The following STRIP2 variants were observed in gnomAD, a reference collection of about 807,000 sequenced individuals.
STRIP2 encodes striatin-interacting protein 2.
In STRIP2, 84 loss-of-function variants were observed where a neutral mutation model predicts 107.1. The observed-to-expected ratio is 0.78, with a 90% CI of 0.66 to 0.94. The LOEUF (loss-of-function observed/expected upper bound fraction) is 0.94, where lower values mean the gene tolerates loss of function less well. STRIP2 is among the 40% of genes least tolerant of loss of function. The pLI is 0.00. For missense variants in STRIP2, 888 were observed against 1,034.2 expected (o/e 0.86, Z 1.94); for synonymous variants, 394 against 400.4 (o/e 0.98, Z 0.19).
chr7:129,463,682 A>G (rs1798600859), intron 14 of STRIP2, among the ~76,000 whole-genome samples: 1 of 152,144 alleles, frequency 6.6e-6, no homozygotes, highest in African/African-American at 2.4e-5. Context: ...TTTAGTAGAG[A>G]TGGAGTTTTA....
At chr7:129,472,797 T>TTTTC (rs1798824245) in intron 18 of STRIP2, among the ~76,000 whole-genome samples, 1 of 136,700 alleles carries the variant, frequency 7.3e-6, no homozygotes, top group Non-Finnish European at 1.6e-5. Flanking sequence ...TTTTTTTTTT[T>TTTTC]TTTTTTTGAG....
At position 129,488,186 on chromosome 7, in the gene STRIP2, ATAAAGT is replaced by A. The variant is rs1231657839; in HGVS notation, c.*2361_*2366del. On this transcript the variant is annotated 3_prime_UTR_variant, in exon 21 of 21. Coordinates refer to ENST00000249344, the MANE Select transcript of STRIP2 (RefSeq NM_020704.3). ...CGTCTCAAAAACAAAGAAGGATATA[ATAAAGT>A]TAATATATAAACCATGTATGTGGTT... is the stretch of plus-strand genomic sequence containing the variant. The A allele has an allele frequency of 3.3e-5, 5 of 152,466 alleles. No individual in the cohort carries two copies. The highest frequency in any genetic ancestry group is 1.3e-4 in the Admixed American group (2 of 15,270). The allele number at this position is 152,466 out of a possible 1,614,324, so 9.4% of individuals were successfully genotyped here.
Position 129,480,883 on chromosome 7 carries a change from G to A in STRIP2, c.2043G>A (p.Arg681=). The change falls in exon 19 of 21, where the codon CGG becomes CGA. Residue 681 remains arginine (R), a synonymous_variant. Coordinates refer to ENST00000249344, the MANE Select transcript of STRIP2 (RefSeq NM_020704.3). ...LNKLTKWKHS[R]TMMLVVFKSA... ...AACTGACCAAATGGAAACATTCCCG[G>A]ACCATGGTGAGTGTGGTTTTTTACA... is the stretch of plus-strand genomic sequence containing the variant. The A allele has an allele frequency of 2.5e-6, 4 of 1,610,606 alleles. No individual in the cohort carries two copies. The highest frequency in any genetic ancestry group is 1.3e-5 in the African/African-American group (1 of 74,814).
intron 2 of STRIP2, among the ~76,000 whole-genome samples, chr7:129,441,563 ATTTTTTAT>A (rs1433323987): frequency 6.6e-6 from 1 of 152,150 alleles, no homozygotes; most frequent in African/African-American, 2.4e-5. Flanking sequence ...CAATATATTT[ATTTTTTAT>A]TTTTTTATTT....
chr7:129,455,232 C>T lies in STRIP2; in HGVS notation c.707-12C>T, dbSNP rs778453356. 2 of 1,606,570 alleles carry T rather than the reference C, an allele frequency of 1.2e-6. No homozygotes were observed. Among genetic ancestry groups the T allele is most frequent in the East Asian group, 2.3e-5 (1 of 44,384 alleles). On this transcript the variant is annotated splice_polypyrimidine_tract_variant and intron_variant, in intron 7 of 20. Coordinates refer to ENST00000249344, the MANE Select transcript of STRIP2 (RefSeq NM_020704.3). ...TCCTCACTTTCTCACTCCCCTCTCT[C>T]CTCACCCCTAGGCTTCTCCATGCAT...
intron 14 of STRIP2, 43 bp from the exon 15 acceptor site, chr7:129,464,001 G>A (rs1423258314): frequency 2.0e-6 from 3 of 1,508,332 alleles, no homozygotes; most frequent in Admixed American, 1.7e-5. Context: ...TCCTTGCTGA[G>A]TGGGTTTGAC....
chr7:129,458,928 T>A lies in STRIP2; in HGVS notation c.1340+151T>A. On this transcript the variant is annotated intron_variant, in intron 11 of 20. Transcript: ENST00000249344. The surrounding 1 kb of genome is among the most constrained non-coding windows in gnomAD (Gnocchi z 4.6). ...AACTCCCAGTGACTACTTTGGGTTC[T>A]TTCTATGGATTTCTTTTTTCCTTGA... is the stretch of plus-strand genomic sequence containing the variant. 1 of 645,036 alleles carries A rather than the reference T, an allele frequency of 1.6e-6. No homozygotes were observed. Among genetic ancestry groups the A allele is most frequent in the South Asian group, 2.3e-5 (1 of 42,970 alleles). 40.0% of individuals were successfully genotyped at this position (645,036 alleles called of 1,614,324 possible).
intron 2 of STRIP2, among the ~76,000 whole-genome samples, chr7:129,440,470 C>T (rs1797868308): frequency 6.6e-6 from 1 of 152,096 alleles, no homozygotes. Flanking sequence ...TTCTGCTGCC[C>T]TCTTTCTATC....
At chr7:129,447,883 T>G (rs1027358948) in intron 3 of STRIP2, among the ~76,000 whole-genome samples, 1 of 152,248 alleles carries the variant, frequency 6.6e-6, no homozygotes, top group Non-Finnish European at 1.5e-5. Context: ...ACAGGTCAAA[T>G]GCGAGAGTTG....
chr7:129,446,349 C>G (rs1482812951), intron 3 of STRIP2, among the ~76,000 whole-genome samples: 2 of 152,160 alleles, frequency 1.3e-5, no homozygotes, highest in African/African-American at 4.8e-5. Flanking sequence ...TACTTCTTTC[C>G]CCAATTTTTT....
At chr7:129,473,766 G>A (rs915596232) in intron 18 of STRIP2, among the ~76,000 whole-genome samples, 3 of 151,940 alleles carry the variant, frequency 2.0e-5, no homozygotes, top group Non-Finnish European at 4.4e-5. Context: ...CGGCCAGGCT[G>A]GAGTGCAGTG....
rs62489088 is a variant in STRIP2 at position 129,467,359 on chromosome 7, G to T, written c.1786G>T (p.Val596Leu). 277 of 1,612,734 alleles carry T rather than the reference G, an allele frequency of 1.7e-4. No homozygotes were observed. Among genetic ancestry groups the T allele is most frequent in the Non-Finnish European group, 2.2e-4 (265 of 1,179,070 alleles). Reference protein sequence around the residue: ...KLNHIYQFEYVSQHLVFANCI... With the variant: ...KLNHIYQFEYLSQHLVFANCI... ...TTGATTTTTAATTCAGTTTGAATAT[G>T]TATCGCAACATTTGGTATTTGCCAA... is the stretch of plus-strand genomic sequence containing the variant. The change falls in exon 17 of 21, where the codon GTA becomes TTA. Residue 596 changes from valine (V) to leucine (L), a missense_variant. Val to Leu is a conservative substitution (Grantham distance 32). Transcript: ENST00000249344.
At position 129,434,466 on chromosome 7, in the gene STRIP2, C is replaced by T; in HGVS notation, c.-7C>T. 5 of 1,508,118 alleles carry T rather than the reference C, an allele frequency of 3.3e-6. No individual in the cohort carries two copies. Among genetic ancestry groups the T allele is most frequent in the Non-Finnish European group, 4.4e-6 (5 of 1,135,076 alleles). The allele number at this position is 1,508,118 out of a possible 1,614,324, so 93.4% of individuals were successfully genotyped here. ...CTGAACCCTGAGGGGAGCCGCTGAC[C>T]AGCAGCATGGAGGACCCCGCCGCGC... On this transcript the variant is annotated 5_prime_UTR_variant, in exon 1 of 21. Coordinates refer to ENST00000249344, the MANE Select transcript of STRIP2 (RefSeq NM_020704.3).
intron 3 of STRIP2, among the ~76,000 whole-genome samples, chr7:129,446,758 AACTT>A (rs1166429182): frequency 1.3e-5 from 2 of 152,308 alleles, no homozygotes; most frequent in East Asian, 3.9e-4. Context: ...TTCCTCATGT[AACTT>A]ACTTGTGCCT....
intron 17 of STRIP2, 30 bp downstream of exon 17, chr7:129,467,480 G>T: frequency 6.5e-7 from 1 of 1,532,706 alleles, no homozygotes; most frequent in East Asian, 2.3e-5. Flanking sequence ...TTATTTCAAG[G>T]GGCTATTTTG....
intron 2 of STRIP2, among the ~76,000 whole-genome samples, chr7:129,442,159 A>G (rs775793074): frequency 6.6e-6 from 1 of 152,174 alleles, no homozygotes; most frequent in Admixed American, 6.5e-5. Context: ...TGGGAGGCAG[A>G]GGTTGCAGTG....
intron 18 of STRIP2, among the ~76,000 whole-genome samples, chr7:129,472,934 G>A (rs1277699660): frequency 2.0e-5 from 3 of 151,296 alleles, no homozygotes; most frequent in African/African-American, 4.9e-5. Context: ...CTACAGGCAC[G>A]TGCCACCATG....
At chr7:129,468,240 G>T (rs78643882) in intron 17 of STRIP2, among the ~76,000 whole-genome samples, 5 of 152,182 alleles carry the variant, frequency 3.3e-5, no homozygotes, top group Admixed American at 3.3e-4. Flanking sequence ...AAGTAAGAGG[G>T]CTAATCTCAT....
intron 18 of STRIP2, among the ~76,000 whole-genome samples, chr7:129,476,466 G>A (rs1348895913): frequency 2.7e-5 from 4 of 150,750 alleles, no homozygotes; most frequent in Non-Finnish European, 4.4e-5. Context: ...CAGATGGGGC[G>A]GCTGCCGGGC....
Sources: allele counts gnomAD v4.1 joint callset (sites outside exome capture counted in the v4.1 genomes callset), GRCh38; gene constraint gnomAD v4.1.1; non-coding constraint Gnocchi (gnomAD v3.1); transcripts MANE v1.5; gene names NCBI Gene and HGNC (gene_info 2026-07-23, HGNC 2026-07-21).